Variants in FLRT2 observed in about 807,000 individuals in gnomAD.
FLRT2 encodes the protein fibronectin leucine rich transmembrane protein 2.
Under a neutral mutation model 40.0 loss-of-function variants are expected in FLRT2, and 15 were observed. That is an observed-to-expected ratio of 0.38 (90% CI 0.25 to 0.58). The LOEUF (loss-of-function observed/expected upper bound fraction) is 0.58, where lower values mean the gene tolerates loss of function less well. Among genes scored for constraint, FLRT2 ranks in the 20% least tolerant of loss-of-function variants. FLRT2 has a pLI of 0.71. For synonymous variants in FLRT2, 380 were observed against 336.8 expected, an observed-to-expected ratio of 1.13 and a Z score of -1.41; for missense variants, 726 against 840.0, an observed-to-expected ratio of 0.86 and a Z score of 1.68.
chr14:85,573,942 A>G (rs1891009547), intron 1 of FLRT2, among the ~76,000 whole-genome samples: 1 of 152,238 alleles, frequency 6.6e-6, no homozygotes, highest in Non-Finnish European at 1.5e-5. Context: ...TCTTTTGATT[A>G]GTCTGAGTTG....
At chr14:85,581,147 C>T (rs763978322) in intron 1 of FLRT2, among the ~76,000 whole-genome samples, 18 of 152,162 alleles carry the variant, frequency 1.2e-4, no homozygotes, top group Non-Finnish European at 2.9e-5. Flanking sequence ...TTGAAATTTG[C>T]GCGACCGCCC....
intron 1 of FLRT2, among the ~76,000 whole-genome samples, chr14:85,558,016 A>AGCATCCATAG (rs1474036511): frequency 6.6e-6 from 1 of 152,160 alleles, no homozygotes; most frequent in African/African-American, 2.4e-5. Context: ...TTATGTGGAA[A>AGCATCCATAG]GCATCCATAG....
chr14:85,554,124 G>C (rs558101600), intron 1 of FLRT2, among the ~76,000 whole-genome samples: 4 of 152,096 alleles, frequency 2.6e-5, no homozygotes, highest in South Asian at 4.2e-4. Flanking sequence ...TTATTCAAAG[G>C]CTTTGTTACA....
At chr14:85,541,583 T>TA (rs1390482899) in intron 1 of FLRT2, among the ~76,000 whole-genome samples, 2 of 152,166 alleles carry the variant, frequency 1.3e-5, no homozygotes, top group African/African-American at 4.8e-5. Context: ...CTATTAATTT[T>TA]AGGATTGAGA....
chr14:85,635,175 G>A lies in FLRT2; in HGVS notation c.*11678G>A, dbSNP rs1277905607. 1 of 152,094 alleles carries A rather than the reference G, an allele frequency of 6.6e-6. No individual in the cohort carries two copies. 9.4% of individuals were successfully genotyped at this position (152,094 alleles called of 1,614,324 possible). A position where few individuals can be genotyped will look rare whatever the true frequency, so the allele number is the denominator to read the frequency against. On this transcript the variant is annotated 3_prime_UTR_variant, in exon 2 of 2. Transcript: ENST00000330753. ...AAATCAGGAGCTACAGAATCACAAAGAACTGTGACTTTGTATCTGTGTGAT... is the reference window on the plus strand; with the variant it reads ...AAATCAGGAGCTACAGAATCACAAAAAACTGTGACTTTGTATCTGTGTGAT...
chr14:85,590,110 T>C (rs1167802048), intron 1 of FLRT2, among the ~76,000 whole-genome samples: 1 of 151,980 alleles, frequency 6.6e-6, no homozygotes, highest in Non-Finnish European at 1.5e-5. Flanking sequence ...CTCTTTGTTG[T>C]AGGATGCTGA....
intron 1 of FLRT2, among the ~76,000 whole-genome samples, chr14:85,550,547 A>G (rs1220429159): frequency 1.3e-5 from 2 of 152,226 alleles, no homozygotes; most frequent in Admixed American, 1.3e-4. Context: ...TAATATTAAC[A>G]TCATCCAAAG....
At chr14:85,619,631 A>T (rs967871751) in intron 1 of FLRT2, among the ~76,000 whole-genome samples, 1 of 152,188 alleles carries the variant, frequency 6.6e-6, no homozygotes, top group Non-Finnish European at 1.5e-5. Context: ...ATTTCTAAAG[A>T]TAGCTAAGAG....
intron 1 of FLRT2, among the ~76,000 whole-genome samples, chr14:85,615,447 C>T (rs1893080645): frequency 1.3e-5 from 2 of 152,160 alleles, no homozygotes; most frequent in South Asian, 4.1e-4. Context: ...AAATGGCCAA[C>T]TGTTTAAACA....
chr14:85,617,289 A>G (rs2139362645), intron 1 of FLRT2, among the ~76,000 whole-genome samples: 1 of 152,362 alleles, frequency 6.6e-6, no homozygotes, highest in East Asian at 1.9e-4. Flanking sequence ...AATTACATAG[A>G]GAACAATCAG....
At position 85,638,630 on chromosome 14, in the gene FLRT2, T is replaced by G. The variant is rs532364455; in HGVS notation, c.*15133T>G. ...CACTTCTTCTCAAGGCTGTCTTGAA[T>G]TCCTCCAACAATAGACCCGTTATTA... is the stretch of plus-strand genomic sequence containing the variant. On this transcript the variant is annotated 3_prime_UTR_variant, in exon 2 of 2. Coordinates refer to ENST00000330753, the MANE Select transcript of FLRT2 (RefSeq NM_013231.6). 1.3e-5 allele frequency: 2 copies of G among 152,324 alleles called. No homozygotes were observed. The highest frequency in any genetic ancestry group is 4.1e-4 in the South Asian group (2 of 4,828). The allele number at this position is 152,324 out of a possible 1,614,324, so 9.4% of individuals were successfully genotyped here. A position where few individuals can be genotyped will look rare whatever the true frequency, so the allele number is the denominator to read the frequency against.
intron 1 of FLRT2, among the ~76,000 whole-genome samples, chr14:85,575,122 A>G (rs1891072139): frequency 6.6e-6 from 1 of 152,172 alleles, no homozygotes; most frequent in African/African-American, 2.4e-5. Flanking sequence ...ATAAGTTTTC[A>G]AATGTGATTT....
rs1307901320 is a variant in FLRT2, at chr14:85,644,673, A to G, written c.*21176A>G. 1 of 152,186 alleles carries G rather than the reference A, an allele frequency of 6.6e-6. No homozygotes were observed. The highest frequency in any genetic ancestry group is 1.5e-5 in the Non-Finnish European group (1 of 68,038). 9.4% of individuals were successfully genotyped at this position (152,186 alleles called of 1,614,324 possible). On this transcript the variant is annotated 3_prime_UTR_variant, in exon 2 of 2. Transcript: ENST00000330753. ...TGGGCTCCCTGGATGTTTGAAGGCA[A>G]CATATACTAGTTTTAGATGCGCTGC...
Position 85,621,285 on chromosome 14 carries a change from T to C in FLRT2, c.-230T>C. On this transcript the variant is annotated 5_prime_UTR_variant, in exon 2 of 2. Coordinates refer to ENST00000330753, the MANE Select transcript of FLRT2 (RefSeq NM_013231.6). ...TCACCTGTTGCCAGTGTGGAAAAAT[T>C]CTCCCTGTTGAATTTTTTGCACATG... 1 of 531,118 alleles carries C rather than the reference T, an allele frequency of 1.9e-6. No individual in the cohort carries two copies. The highest frequency in any genetic ancestry group is 1.9e-5 in the African/African-American group (1 of 52,732). The allele number at this position is 531,118 out of a possible 1,614,324, so 32.9% of individuals were successfully genotyped here. A position where few individuals can be genotyped will look rare whatever the true frequency, so the allele number is the denominator to read the frequency against.
chr14:85,533,986 C>A (rs1321861924), intron 1 of FLRT2, among the ~76,000 whole-genome samples: 2 of 152,208 alleles, frequency 1.3e-5, no homozygotes, highest in Non-Finnish European at 2.9e-5. Flanking sequence ...CCTCGAGAAC[C>A]TTTGCAGGTA....
chr14:85,615,149 A>C (rs899581189), intron 1 of FLRT2, among the ~76,000 whole-genome samples: 3 of 152,186 alleles, frequency 2.0e-5, no homozygotes, highest in African/African-American at 7.2e-5. Context: ...GAGGCCACCC[A>C]GTCCTGCAGT....
chr14:85,591,361 C>T (rs941659568), intron 1 of FLRT2, among the ~76,000 whole-genome samples: 1 of 152,118 alleles, frequency 6.6e-6, no homozygotes, highest in Non-Finnish European at 1.5e-5. Context: ...AATACAAAAC[C>T]ACTGTAGAAA....
rs1566772009 is a variant in FLRT2 at position 85,634,932 on chromosome 14, T to C, written c.*11435T>C. On this transcript the variant is annotated 3_prime_UTR_variant, in exon 2 of 2. Transcript: ENST00000330753. ...AAGTTACTTTGGACCTTAAATTCTG[T>C]TTTATGGTTGTTCATTTTCTATGTA... 6.6e-6 allele frequency: 1 copy of C among 152,154 alleles called. No individual in the cohort carries two copies. Among genetic ancestry groups the C allele is most frequent in the East Asian group, 1.9e-4 (1 of 5,188 alleles). The allele number at this position is 152,154 out of a possible 1,614,324, so 9.4% of individuals were successfully genotyped here. A position where few individuals can be genotyped will look rare whatever the true frequency, so the allele number is the denominator to read the frequency against.
At chr14:85,552,133 G>A (rs1190410402) in intron 1 of FLRT2, among the ~76,000 whole-genome samples, 1 of 152,156 alleles carries the variant, frequency 6.6e-6, no homozygotes, top group African/African-American at 2.4e-5. Context: ...TCAATTTACT[G>A]AACCTTGGAG....
Sources: gnomAD v4.1 joint callset for allele counts (sites outside exome capture counted in the v4.1 genomes callset) on GRCh38, gnomAD v4.1.1 for gene constraint, MANE v1.5 for transcripts, NCBI Gene and HGNC (gene_info 2026-07-23, HGNC 2026-07-21) for gene names.